The following MRPS25 variants were observed in gnomAD, a reference collection of about 807,000 sequenced individuals.
MRPS25 encodes mitochondrial ribosomal protein S25, also known as small ribosomal subunit protein mS25.
A neutral mutation model predicts 17.3 loss-of-function variants in MRPS25; 15 were observed. That is an observed-to-expected ratio of 0.87 (90% CI 0.58 to 1.34). MRPS25 has a LOEUF of 1.34. Among genes scored for constraint, MRPS25 ranks in the 40% most tolerant of loss-of-function variants. MRPS25 has a pLI of 0.00. For missense variants in MRPS25, 225 were observed against 218.6 expected, an observed-to-expected ratio of 1.03 and a Z score of -0.19; for synonymous variants, 94 against 83.3, an observed-to-expected ratio of 1.13 and a Z score of -0.70.
In MRPS25 at chr3:15,054,497, G is replaced by A. The variant is rs986977646; in HGVS notation, c.242-1030C>T. ...GCAGAGGTTGCAGTGAGCTGAGATC[G>A]TGCTACTGCACTCTAGCCTGGGCAA... On this transcript the variant is annotated intron_variant, in intron 2 of 3. Transcript: ENST00000253686. 1.1e-4 allele frequency among the ~76,000 whole-genome samples: 17 copies of A among 152,206 alleles called. 1 individual carries two copies. The highest frequency in any genetic ancestry group is 2.1e-4 in the South Asian group (1 of 4,818).
Position 15,051,467 on chromosome 3 carries a change from G to C in MRPS25, c.*974C>G. On this transcript the variant is annotated 3_prime_UTR_variant, in exon 4 of 4. Transcript: ENST00000253686. ...CAAAGTGCTGGGATTACAGGCATGA[G>C]CCACCACACCCAGCCTAGCTAAACC... The C allele has an allele frequency of 1.0e-6, 1 of 983,828 alleles. No individual in the cohort carries two copies. Among genetic ancestry groups the C allele is most frequent in the Non-Finnish European group, 1.2e-6 (1 of 828,438 alleles). The allele number at this position is 983,828 out of a possible 1,614,324, so 60.9% of individuals were successfully genotyped here.
chr3:15,046,182 G>T (rs946152010), downstream of MRPS25: 6 of 152,244 alleles, frequency 3.9e-5, no homozygotes, highest in African/African-American at 1.4e-4. Flanking sequence ...CCATAAGGCT[G>T]TGGTTTGAGG....
rs1219808667 is a variant in MRPS25 at position 15,051,496 on chromosome 3, T to G, written c.*945A>C. 1.0e-6 allele frequency: 1 copy of G among 985,442 alleles called. No individual in the cohort carries two copies. Among genetic ancestry groups the G allele is most frequent in the African/African-American group, 1.7e-5 (1 of 57,336 alleles). The allele number at this position is 985,442 out of a possible 1,614,324, so 61.0% of individuals were successfully genotyped here. On this transcript the variant is annotated 3_prime_UTR_variant, in exon 4 of 4. Coordinates refer to ENST00000253686, the MANE Select transcript of MRPS25 (RefSeq NM_022497.5). ...CCACACCCAGCCTAGCTAAACCTAT[T>G]CTTAAGGTGACCCTAGAAGGCTCTG... is the stretch of plus-strand genomic sequence containing the variant.
chr3:15,058,695 C>A (rs2042704337), intron 2 of MRPS25, among the ~76,000 whole-genome samples: 1 of 152,202 alleles, frequency 6.6e-6, no homozygotes, highest in South Asian at 2.1e-4. Flanking sequence ...ACCTACACTT[C>A]ATTTGATTCT....
downstream of MRPS25, chr3:15,043,240 A>G (rs1264522804): frequency 1.4e-5 from 5 of 358,088 alleles, no homozygotes; most frequent in Non-Finnish European, 2.0e-5. Flanking sequence ...TTTTGGAACA[A>G]TCTTTTAACT....
chr3:15,051,853 G>A lies in MRPS25; in HGVS notation c.*588C>T, dbSNP rs1254906526. ...TGAGGCTGGCCTGTCAGCCACTGGG[G>A]CTCCTCCATCTCTGGCCCATGGCTA... On this transcript the variant is annotated 3_prime_UTR_variant, in exon 4 of 4. Coordinates refer to ENST00000253686, the MANE Select transcript of MRPS25 (RefSeq NM_022497.5). 1 of 985,440 alleles carries A rather than the reference G, an allele frequency of 1.0e-6. No homozygotes were observed. Among genetic ancestry groups the A allele is most frequent in the East Asian group, 1.1e-4 (1 of 8,802 alleles). The allele number at this position is 985,440 out of a possible 1,614,324, so 61.0% of individuals were successfully genotyped here.
chr3:15,049,666 A>G lies in MRPS25; in HGVS notation c.*2775T>C. 1.9e-6 allele frequency: 1 copy of G among 538,432 alleles called. No individual in the cohort carries two copies. 33.4% of individuals were successfully genotyped at this position (538,432 alleles called of 1,614,324 possible). A position where few individuals can be genotyped will look rare whatever the true frequency, so the allele number is the denominator to read the frequency against. The stretch of plus-strand genomic sequence containing the variant: ...GCTATCAAGGGCAAAAACAAGCTCC[A>G]AAAGTTTCAGAAGTTAGAACATATT... On this transcript the variant is annotated 3_prime_UTR_variant, in exon 4 of 4. Transcript: ENST00000253686.
chr3:15,061,968 C>G (rs1365378639), intron 1 of MRPS25, among the ~76,000 whole-genome samples: 1 of 135,114 alleles, frequency 7.4e-6, no homozygotes, highest in African/African-American at 2.8e-5. Flanking sequence ...AGTGAGGAGC[C>G]CCTCCGCCCG....
At chr3:15,064,085 G>T (rs1312041956) in intron 1 of MRPS25, among the ~76,000 whole-genome samples, 1 of 152,134 alleles carries the variant, frequency 6.6e-6, no homozygotes. Context: ...GTCACCAAGG[G>T]GACCATGCCC....
chr3:15,047,722 G>T (rs2042506148), downstream of MRPS25: 1 of 152,194 alleles, frequency 6.6e-6, no homozygotes, highest in Non-Finnish European at 1.5e-5. Context: ...AACCTACCAA[G>T]TATTATTCTT....
Position 15,059,426 on chromosome 3 carries a change from C to T in MRPS25, c.184G>A (p.Val62Met). The change falls in exon 2 of 4, where the codon GTG becomes ATG. Residue 62 changes from valine (V) to methionine (M), a missense_variant. By Grantham distance (21) the Val-to-Met change is conservative. Coordinates refer to ENST00000253686, the MANE Select transcript of MRPS25 (RefSeq NM_022497.5). ...IPQIQYKNPWVQIMMFKNMTP... is the reference protein window; with the variant it reads ...IPQIQYKNPWMQIMMFKNMTP... ...ATGTTCTTAAACATCATGATCTGCA[C>T]CCAAGGGTTTTTGTATTGAATCTGA... 6.2e-7 allele frequency: 1 copy of T among 1,613,852 alleles called. No homozygotes were observed. The highest frequency in any genetic ancestry group is 8.5e-7 in the Non-Finnish European group (1 of 1,179,832).
In MRPS25 at chr3:15,061,812, C is replaced by T. The variant is rs1389920524; in HGVS notation, c.135-2337G>A. ...CGCCCCATCTGGGATGTGAGGAGCG[C>T]CTCTGCCCGGCCGCGACCCCGTCTG... is the stretch of plus-strand genomic sequence containing the variant. On this transcript the variant is annotated intron_variant, in intron 1 of 3. Coordinates refer to ENST00000253686, the MANE Select transcript of MRPS25 (RefSeq NM_022497.5). Among the ~76,000 whole-genome samples the T allele has an allele frequency of 2.0e-5, 3 of 151,026 alleles. No individual in the cohort carries two copies. In the East Asian group the frequency reaches 6.0e-4, roughly 30 times the overall value.
Position 15,050,360 on chromosome 3 carries a change from T to A in MRPS25, c.*2081A>T, listed in dbSNP as rs1224264299. 3.5e-5 allele frequency: 37 copies of A among 1,052,956 alleles called. No homozygotes were observed. The highest frequency in any genetic ancestry group is 4.2e-5 in the Non-Finnish European group (37 of 874,860). The allele number at this position is 1,052,956 out of a possible 1,614,324, so 65.2% of individuals were successfully genotyped here. ...TGTCCCATTAGGGACCAGACATTTA[T>A]TCTGTCTAGAGAATGGTCACCACTC... On this transcript the variant is annotated 3_prime_UTR_variant, in exon 4 of 4. Coordinates refer to ENST00000253686, the MANE Select transcript of MRPS25 (RefSeq NM_022497.5).
chr3:15,059,142 C>T (rs1265290301), intron 2 of MRPS25, among the ~76,000 whole-genome samples: 1 of 151,980 alleles, frequency 6.6e-6, no homozygotes, highest in East Asian at 1.9e-4. Flanking sequence ...AAAAATTACC[C>T]CCATGGTGTG....
At chr3:15,062,694 A>G (rs941910215) in intron 1 of MRPS25, among the ~76,000 whole-genome samples, 17 of 152,308 alleles carry the variant, frequency 1.1e-4, no homozygotes, top group Admixed American at 5.9e-4. Flanking sequence ...AGAGGTAGAC[A>G]TGGGAGACTT....
At chr3:15,053,315 CCT>C (rs769168404) in intron 3 of MRPS25, 63 bp downstream of exon 3, 40 of 1,610,070 alleles carry the variant, frequency 2.5e-5, no homozygotes, top group South Asian at 1.5e-4. Context: ...CCCACACACC[CCT>C]TTCTTCCTCA....
Position 15,052,634 on chromosome 3 carries a change from C to G in MRPS25, c.330-1G>C, listed in dbSNP as rs1165697691. The G allele has an allele frequency of 6.2e-7, 1 of 1,613,244 alleles. No individual in the cohort carries two copies. On this transcript the variant is annotated splice_acceptor_variant, in intron 3 of 3. Coordinates refer to ENST00000253686, the MANE Select transcript of MRPS25 (RefSeq NM_022497.5). LOFTEE classifies it high-confidence loss of function. The stretch of plus-strand genomic sequence containing the variant: ...CTCCTCCTCTTCCCTGAGGGTTTCC[C>G]TGCCAAAGAGCACAGACGGCAACCA...
Position 15,052,023 on chromosome 3 carries a change from C to G in MRPS25, c.*418G>C. 1.0e-6 allele frequency: 1 copy of G among 999,146 alleles called. No homozygotes were observed. 61.9% of individuals were successfully genotyped at this position (999,146 alleles called of 1,614,324 possible). On this transcript the variant is annotated 3_prime_UTR_variant, in exon 4 of 4. Coordinates refer to ENST00000253686, the MANE Select transcript of MRPS25 (RefSeq NM_022497.5). ...CCAACCACAGACAGTGCTAGCCAGA[C>G]TCAACCACAGCAGCCCTTATGTTCT...
chr3:15,047,427 T>G (rs1201128946), downstream of MRPS25: 1 of 152,158 alleles, frequency 6.6e-6, no homozygotes, highest in Non-Finnish European at 1.5e-5. Context: ...CAAAACTAAG[T>G]GGGAATTTTT....
Sources: allele counts gnomAD v4.1 joint callset (sites outside exome capture counted in the v4.1 genomes callset), GRCh38; gene constraint gnomAD v4.1.1; transcripts MANE v1.5; gene names NCBI Gene and HGNC (gene_info 2026-07-23, HGNC 2026-07-21).